Variants in SHANK2 observed in about 807,000 individuals in gnomAD.
The protein encoded by SHANK2 is SH3 and multiple ankyrin repeat domains 2.
In SHANK2, 43 loss-of-function variants were observed where a neutral mutation model predicts 133.7. The ratio of observed to expected loss-of-function variants is 0.32; its 90% CI spans 0.25 to 0.41. The LOEUF (loss-of-function observed/expected upper bound fraction) is 0.41, where lower values mean the gene tolerates loss of function less well. Among genes scored for constraint, SHANK2 ranks in the 10% least tolerant of loss-of-function variants. SHANK2 has a pLI of 1.00. For synonymous variants in SHANK2, 1,017 were observed against 952.8 expected (o/e 1.07, Z -1.24); for missense variants, 1,994 against 2,235.8 (o/e 0.89, Z 2.18).
intron 17 of SHANK2, among the ~76,000 whole-genome samples, chr11:70,537,446 G>C (rs2059559652): frequency 6.6e-6 from 1 of 152,400 alleles, no homozygotes; most frequent in Admixed American, 6.5e-5. Context: ...GAGACACACA[G>C]CTGGGAGAGG....
chr11:71,097,654 G>C (rs572005788), intron 6 of SHANK2, among the ~76,000 whole-genome samples: 1 of 152,188 alleles, frequency 6.6e-6, no homozygotes, highest in East Asian at 1.9e-4. Context: ...GATGTGCTTC[G>C]AAAGGGTGAG....
chr11:71,059,485 G>A (rs2135928767), intron 9 of SHANK2, among the ~76,000 whole-genome samples: 1 of 152,194 alleles, frequency 6.6e-6, no homozygotes, highest in East Asian at 1.9e-4. Flanking sequence ...TGTATGGTGT[G>A]TGAATTGCAT....
intron 13 of SHANK2, among the ~76,000 whole-genome samples, chr11:70,802,981 G>A (rs1267566115): frequency 1.3e-5 from 2 of 152,188 alleles, no homozygotes; most frequent in Admixed American, 6.5e-5. Context: ...TGCTGCATCA[G>A]AGGCCTGTGT....
At chr11:70,519,302 C>T (rs782309126) in intron 17 of SHANK2, among the ~76,000 whole-genome samples, 1 of 152,326 alleles carries the variant, frequency 6.6e-6, no homozygotes, top group East Asian at 1.9e-4. Flanking sequence ...CGGATACTCG[C>T]CTTTCATCAG....
In SHANK2 at chr11:71,228,311, G is replaced by A. The variant is rs190155672; in HGVS notation, c.-112-3515C>T. Among the ~76,000 whole-genome samples the A allele has an allele frequency of 9.1e-4, 139 of 152,284 alleles. 3 individuals carry two copies. The highest frequency in any genetic ancestry group is 9.1e-3 in the Admixed American group (139 of 15,302). On this transcript the variant is annotated intron_variant, in intron 1 of 25. Transcript: ENST00000601538. ...AAAAGAAATCTTTAGACCTAAATGA[G>A]TTCACTGGAGAATTCTATGAAATGC...
intron 14 of SHANK2, among the ~76,000 whole-genome samples, chr11:70,769,144 A>C (rs1043474467): frequency 6.6e-6 from 1 of 152,122 alleles, no homozygotes; most frequent in South Asian, 2.1e-4. Context: ...GGGGTGAATG[A>C]ATGGGTGGGT....
At chr11:70,840,143 T>C (rs1439297925) in intron 11 of SHANK2, among the ~76,000 whole-genome samples, 2 of 152,150 alleles carry the variant, frequency 1.3e-5, no homozygotes, top group East Asian at 1.9e-4. Context: ...GACTCAGGCA[T>C]TGTCACGGTC....
At chr11:70,936,164 A>G (rs1555083425) in intron 10 of SHANK2, among the ~76,000 whole-genome samples, 1 of 152,240 alleles carries the variant, frequency 6.6e-6, no homozygotes, top group Non-Finnish European at 1.5e-5. Context: ...GGAAAAACCC[A>G]TGAAGAAGAA....
chr11:70,566,997 C>T (rs571833969), intron 17 of SHANK2, among the ~76,000 whole-genome samples: 11 of 152,344 alleles, frequency 7.2e-5, no homozygotes, highest in South Asian at 2.1e-4. Context: ...TGGTTCCCTC[C>T]GTTAGCCAGA....
At chr11:70,489,146 CTTGTGGG>C in intron 24 of SHANK2, 175 bp downstream of exon 24, 1 of 649,070 alleles carries the variant, frequency 1.5e-6, no homozygotes, top group South Asian at 1.8e-5. Context: ...TAACATACTC[CTTGTGGG>C]AGGACATTTT....
chr11:70,700,856 T>C (rs975807002), intron 14 of SHANK2, among the ~76,000 whole-genome samples: 1 of 152,164 alleles, frequency 6.6e-6, no homozygotes, highest in Non-Finnish European at 1.5e-5. Flanking sequence ...TGGGAACACA[T>C]GGTCAGGCAA....
At position 70,808,361 on chromosome 11, in the gene SHANK2, C is replaced by T. The variant is rs138477573; in HGVS notation, c.1494-1190G>A. On this transcript the variant is annotated intron_variant, in intron 12 of 25. Transcript: ENST00000601538. ...GGATTACAGGTGCCCGCCACCATGC[C>T]TGGCTACTTTTTGTATTTTTAGTAG... Among the ~76,000 whole-genome samples the T allele has an allele frequency of 3.3e-3, 500 of 152,048 alleles. 4 individuals are homozygous for T. The highest frequency in any genetic ancestry group is 0.012 in the African/African-American group (490 of 41,490).
intron 14 of SHANK2, among the ~76,000 whole-genome samples, chr11:70,709,058 C>T (rs1242424779): frequency 1.3e-5 from 2 of 152,082 alleles, no homozygotes; most frequent in Non-Finnish European, 2.9e-5. Context: ...AAAAAATACA[C>T]AAATTAGCTG....
At chr11:70,707,161 C>T (rs1367422538) in intron 14 of SHANK2, among the ~76,000 whole-genome samples, 2 of 151,886 alleles carry the variant, frequency 1.3e-5, no homozygotes, top group Admixed American at 6.6e-5. Context: ...CACCTGAGAT[C>T]AGGAGTTCAA....
intron 2 of SHANK2, among the ~76,000 whole-genome samples, chr11:71,162,714 A>C (rs1489773938): frequency 6.6e-6 from 1 of 152,220 alleles, no homozygotes; most frequent in Non-Finnish European, 1.5e-5. Context: ...CCCAACTTCA[A>C]AACAGTGATT....
chr11:70,766,803 G>A (rs1555041504), intron 14 of SHANK2, among the ~76,000 whole-genome samples: 1 of 152,142 alleles, frequency 6.6e-6, no homozygotes, highest in African/African-American at 2.4e-5. Context: ...CAATGTTTTT[G>A]TTCCAATCAG....
At chr11:70,834,108 C>A (rs973051659) in intron 11 of SHANK2, among the ~76,000 whole-genome samples, 9 of 152,382 alleles carry the variant, frequency 5.9e-5, no homozygotes, top group Admixed American at 1.3e-4. Context: ...AGAAAATTCC[C>A]AGGGTTCTGG....
chr11:70,769,955 C>G (rs1555042315), intron 14 of SHANK2, among the ~76,000 whole-genome samples: 1 of 152,176 alleles, frequency 6.6e-6, no homozygotes, highest in African/African-American at 2.4e-5. Context: ...GGGTGGGCAT[C>G]CATCATCTTC....
At chr11:71,154,310 A>G (rs1347983237) in intron 2 of SHANK2, among the ~76,000 whole-genome samples, 4 of 152,240 alleles carry the variant, frequency 2.6e-5, no homozygotes, top group African/African-American at 9.6e-5. Context: ...TCCAGGTTCC[A>G]TCGGATGTTA....
Sources: gnomAD v4.1 joint callset for allele counts (sites outside exome capture counted in the v4.1 genomes callset) on GRCh38, gnomAD v4.1.1 for gene constraint, MANE v1.5 for transcripts, NCBI Gene and HGNC (gene_info 2026-07-23, HGNC 2026-07-21) for gene names.